Variants in PHACTR2 observed in about 807,000 individuals in gnomAD.
The protein encoded by PHACTR2 is chromosome 6 open reading frame 56.
In PHACTR2, 30 loss-of-function variants were observed where a neutral mutation model predicts 76.0. The ratio of observed to expected loss-of-function variants is 0.39; its 90% CI spans 0.30 to 0.54. The LOEUF is 0.54. PHACTR2 is among the 20% of genes least tolerant of loss of function. The pLI is 0.61. For missense variants in PHACTR2, 696 were observed against 781.1 expected (o/e 0.89, Z 1.30); for synonymous variants, 292 against 292.5 (o/e 1.00, Z 0.02).
chr6:143,627,376 G>T lies in PHACTR2; in HGVS notation c.13+19054G>T, dbSNP rs1400441935. On this transcript the variant is annotated intron_variant, in intron 1 of 11. Coordinates refer to the PHACTR2 transcript ENST00000305766. This position sits in a 1 kb window ranked among gnomAD's most constrained non-coding sequence, Gnocchi z 4.3. ...GATCTTGACTAATTTAAAAAAATTT[G>T]TGGAACACAGATATTTTATACCATT... is the stretch of plus-strand genomic sequence containing the variant. Among the ~76,000 whole-genome samples the T allele has an allele frequency of 6.6e-6, 1 of 152,164 alleles. No individual in the cohort carries two copies. The highest frequency in any genetic ancestry group is 1.5e-5 in the Non-Finnish European group (1 of 68,018).
chr6:143,704,145 C>T (rs1448629716), intron 1 of PHACTR2, among the ~76,000 whole-genome samples: 1 of 122,308 alleles, frequency 8.2e-6, no homozygotes, highest in Non-Finnish European at 1.8e-5. Flanking sequence ...TTTGGAATCT[C>T]TTCTTTGTGT....
Position 143,828,035 on chromosome 6 carries a change from A to T in PHACTR2, c.*4346A>T, listed in dbSNP as rs1776582688. The stretch of plus-strand genomic sequence containing the variant: ...CATGGTGGCTTGTGCCTGTAATCCC[A>T]GCTACTTGGGAGGCTGAGGCAGGGA... On this transcript the variant is annotated 3_prime_UTR_variant, in exon 13 of 13. Transcript: ENST00000440869. This position sits in a 1 kb window ranked among gnomAD's most constrained non-coding sequence, Gnocchi z 4.7. 6.6e-6 allele frequency: 1 copy of T among 151,874 alleles called. No individual in the cohort carries two copies. The highest frequency in any genetic ancestry group is 1.5e-5 in the Non-Finnish European group (1 of 68,010). The allele number at this position is 151,874 out of a possible 1,614,324, so 9.4% of individuals were successfully genotyped here.
chr6:143,703,123 A>T (rs1332361637), intron 1 of PHACTR2, among the ~76,000 whole-genome samples: 1 of 150,300 alleles, frequency 6.7e-6, no homozygotes, highest in East Asian at 1.9e-4. Flanking sequence ...AGCCTGGACA[A>T]CATGGTAAAA....
In PHACTR2 at chr6:143,696,969, T is replaced by C. The variant is rs1438490140; in HGVS notation, c.47-15047T>C. 6.6e-6 allele frequency among the ~76,000 whole-genome samples: 1 copy of C among 152,182 alleles called. No homozygotes were observed. The highest frequency in any genetic ancestry group is 1.5e-5 in the Non-Finnish European group (1 of 68,040). ...AGTCTTAAAGAATGATTCCTCGTCATTGAACATGTTACATTGTAGAGTCAG... is the reference window on the plus strand; with the variant it reads ...AGTCTTAAAGAATGATTCCTCGTCACTGAACATGTTACATTGTAGAGTCAG... On this transcript the variant is annotated intron_variant, in intron 1 of 12. Transcript: ENST00000440869. This position sits in a 1 kb window ranked among gnomAD's most constrained non-coding sequence, Gnocchi z 4.1.
At position 143,553,227 on chromosome 6, in the gene PHACTR2, A is replaced by T. The variant is rs933646788; in HGVS notation, c.217+16020A>T. On this transcript the variant is annotated intron_variant, in intron 1 of 11. Coordinates refer to the PHACTR2 transcript ENST00000367584. The surrounding 1 kb of genome is among the most constrained non-coding windows in gnomAD (Gnocchi z 4.2). ...AGTATAGTGAGGGTGTCAAAGATAA[A>T]GCTGGAAACTAAAGTGGCAAGGAGA... Among the ~76,000 whole-genome samples, 1 of 152,260 alleles carries T rather than the reference A, an allele frequency of 6.6e-6. No homozygotes were observed. Among genetic ancestry groups the T allele is most frequent in the East Asian group, 1.9e-4 (1 of 5,204 alleles).
rs1315268436 is a variant in PHACTR2, at chr6:143,664,156, C to T, written c.14-47860C>T. On this transcript the variant is annotated intron_variant, in intron 1 of 11. Coordinates refer to the PHACTR2 transcript ENST00000305766. This position sits in a 1 kb window ranked among gnomAD's most constrained non-coding sequence, Gnocchi z 5.1. ...TTTGTCATTACACTATATAATATGT[C>T]CCTCTATACTATTTGTTATTTTACC... Among the ~76,000 whole-genome samples the T allele has an allele frequency of 6.6e-6, 1 of 151,908 alleles. No individual in the cohort carries two copies. The highest frequency in any genetic ancestry group is 6.6e-5 in the Admixed American group (1 of 15,246).
At chr6:143,673,049 A>G (rs913447297), upstream of PHACTR2, among the ~76,000 whole-genome samples, 53 of 152,108 alleles carry the variant, frequency 3.5e-4, no homozygotes, top group African/African-American at 1.2e-3. Flanking sequence ...CTCTTCCTCC[A>G]CTGTTAGGAT....
rs1227560179 is a variant in PHACTR2, at chr6:143,827,182, A to ATATATATG, written c.*3500_*3501insGTATATAT. On this transcript the variant is annotated 3_prime_UTR_variant, in exon 13 of 13. Transcript: ENST00000440869. ...TATATATATATATATATATATATAT[A>ATATATATG]TATATATATATATATATGTATATTA... The ATATATATG allele has an allele frequency of 7.7e-6, 1 of 130,096 alleles. No homozygotes were observed. Among genetic ancestry groups the ATATATATG allele is most frequent in the East Asian group, 2.3e-4 (1 of 4,364 alleles). The allele number at this position is 130,096 out of a possible 1,614,324, so 8.1% of individuals were successfully genotyped here.
At chr6:143,613,045 C>T (rs771144723) in intron 1 of PHACTR2, among the ~76,000 whole-genome samples, 1 of 152,204 alleles carries the variant, frequency 6.6e-6, no homozygotes, top group Admixed American at 6.5e-5. Context: ...GGCGCAATCT[C>T]GGCTCACTGC....
rs917001445 is a variant in PHACTR2, at chr6:143,821,944, C to G, written c.1923-1730C>G. Among the ~76,000 whole-genome samples the G allele has an allele frequency of 6.6e-6, 1 of 152,130 alleles. No homozygotes were observed. Among genetic ancestry groups the G allele is most frequent in the African/African-American group, 2.4e-5 (1 of 41,430 alleles). On this transcript the variant is annotated intron_variant, in intron 12 of 12. Coordinates refer to ENST00000440869, the MANE Select transcript of PHACTR2 (RefSeq NM_001100164.2). The surrounding 1 kb of genome is among the most constrained non-coding windows in gnomAD (Gnocchi z 5.2). Reference sequence around the variant, plus strand: ...GGTTGAAGCTGCAGTGAGCTGAGATCGCACCACTGCACTCCAGCCTGGGCA... The same window carrying G: ...GGTTGAAGCTGCAGTGAGCTGAGATGGCACCACTGCACTCCAGCCTGGGCA...
At chr6:143,723,865 G>T (rs1289648157) in intron 2 of PHACTR2, among the ~76,000 whole-genome samples, 1 of 152,102 alleles carries the variant, frequency 6.6e-6, no homozygotes, top group East Asian at 1.9e-4. Context: ...TCTTGGTTTT[G>T]TCAAGAGGTT....
At chr6:143,681,370 A>T (rs1011646435) in intron 1 of PHACTR2, among the ~76,000 whole-genome samples, 2 of 151,870 alleles carry the variant, frequency 1.3e-5, no homozygotes, top group African/African-American at 4.8e-5. Context: ...GCATCTTTTC[A>T]TGTGCTATTG....
rs1226960416 is a variant in PHACTR2 at position 143,652,428 on chromosome 6, A to G, written c.13+44106A>G. 6.6e-6 allele frequency among the ~76,000 whole-genome samples: 1 copy of G among 151,118 alleles called. No individual in the cohort carries two copies. Among genetic ancestry groups the G allele is most frequent in the Non-Finnish European group, 1.5e-5 (1 of 68,020 alleles). On this transcript the variant is annotated intron_variant, in intron 1 of 11. Transcript: ENST00000305766. This position sits in a 1 kb window ranked among gnomAD's most constrained non-coding sequence, Gnocchi z 4.5. ...TGTTTGTTTGTTTGTTTTTCCCTGT[A>G]TCTGCTGGAATATTTTAGCTGATGG... is the stretch of plus-strand genomic sequence containing the variant.
At position 143,817,866 on chromosome 6, in the gene PHACTR2, G is replaced by T. The variant is rs6939327; in HGVS notation, c.1923-5808G>T. Among the ~76,000 whole-genome samples, 1,032 of 152,346 alleles carry T rather than the reference G, an allele frequency of 6.8e-3. 11 individuals carry two copies. The highest frequency in any genetic ancestry group is 0.023 in the African/African-American group (946 of 41,580). On this transcript the variant is annotated intron_variant, in intron 12 of 12. Coordinates refer to ENST00000440869, the MANE Select transcript of PHACTR2 (RefSeq NM_001100164.2). Reference sequence around the variant, plus strand: ...AAGATAAAGAGGGTAGGGGAAAGGAGATAGGGTGCAGTTGGTTAACAGATA... The same window carrying T: ...AAGATAAAGAGGGTAGGGGAAAGGATATAGGGTGCAGTTGGTTAACAGATA...
rs929512866 is a variant in PHACTR2 at position 143,547,888 on chromosome 6, G to C, written c.217+10681G>C. On this transcript the variant is annotated intron_variant, in intron 1 of 11. Coordinates refer to the PHACTR2 transcript ENST00000367584. The surrounding 1 kb of genome is among the most constrained non-coding windows in gnomAD (Gnocchi z 4.2). ...TCTATGTATGTATGTATGTACGTAT[G>C]TATCTATCTATCTATCTATCATCTA... is the stretch of plus-strand genomic sequence containing the variant. Among the ~76,000 whole-genome samples the C allele has an allele frequency of 6.6e-6, 1 of 151,994 alleles. No homozygotes were observed. Among genetic ancestry groups the C allele is most frequent in the African/African-American group, 2.4e-5 (1 of 41,332 alleles).
Position 143,597,429 on chromosome 6 carries a change from A to G in PHACTR2, c.217+60222A>G, listed in dbSNP as rs1175462815. 4.6e-5 allele frequency among the ~76,000 whole-genome samples: 7 copies of G among 152,200 alleles called. No homozygotes were observed. The highest frequency in any genetic ancestry group is 2.6e-4 in the Admixed American group (4 of 15,280). On this transcript the variant is annotated intron_variant, in intron 1 of 11. Coordinates refer to the PHACTR2 transcript ENST00000367584. The surrounding 1 kb of genome is among the most constrained non-coding windows in gnomAD (Gnocchi z 5.7). Reference sequence around the variant, plus strand: ...TCAAGGTGAATATCATCCTCTACCCACAGACCATCCTAAAAATAAAGTGAA... The same window carrying G: ...TCAAGGTGAATATCATCCTCTACCCGCAGACCATCCTAAAAATAAAGTGAA...
Position 143,704,095 on chromosome 6 carries a change from C to CTGTGTGTGTGTGTGTGTCTGTG in PHACTR2, c.47-7904_47-7903insCTGTGTGTGTGTGTGTGTGTGT, listed in dbSNP as rs1777984013. ...ATCATGGGTGTGTGTGTGTGTGTGTCTGTGTGTGTGTGTGTGTGTGTGTGT... is the reference window on the plus strand; with the variant it reads ...ATCATGGGTGTGTGTGTGTGTGTGTCTGTGTGTGTGTGTGTGTCTGTGTGTGTGTGTGTGTGTGTGTGTGTGT... On this transcript the variant is annotated intron_variant, in intron 1 of 12. Transcript: ENST00000440869. Among the ~76,000 whole-genome samples the CTGTGTGTGTGTGTGTGTCTGTG allele has an allele frequency of 2.8e-5, 4 of 144,212 alleles. No homozygotes were observed. The East Asian group carries it at 8.2e-4, about 30-fold the overall frequency. 94.6% of individuals were successfully genotyped at this position (144,212 alleles called of 152,430 possible). A position where few individuals can be genotyped will look rare whatever the true frequency, so the allele number is the denominator to read the frequency against.
At position 143,793,405 on chromosome 6, in the gene PHACTR2, A is replaced by G. The variant is rs1775755525; in HGVS notation, c.1845+4495A>G. Among the ~76,000 whole-genome samples, 1 of 152,004 alleles carries G rather than the reference A, an allele frequency of 6.6e-6. No individual in the cohort carries two copies. Among genetic ancestry groups the G allele is most frequent in the South Asian group, 2.1e-4 (1 of 4,824 alleles). The stretch of plus-strand genomic sequence containing the variant: ...AGTGCTTTGAAGGCATATGACTTTG[A>G]CATCTCCCTTGCAGATCTGAGCCCC... On this transcript the variant is annotated intron_variant, in intron 11 of 12. Transcript: ENST00000440869. The surrounding 1 kb of genome is among the most constrained non-coding windows in gnomAD (Gnocchi z 4.4).
intron 2 of PHACTR2, among the ~76,000 whole-genome samples, chr6:143,724,497 C>T (rs1214698238): frequency 6.6e-6 from 1 of 152,036 alleles, no homozygotes; most frequent in Non-Finnish European, 1.5e-5. Context: ...ATGATGCGAC[C>T]CAACTTCTTT....
Sources: gnomAD v4.1 joint callset for allele counts (sites outside exome capture counted in the v4.1 genomes callset) on GRCh38, gnomAD v4.1.1 for gene constraint, Gnocchi (gnomAD v3.1) non-coding constraint, MANE v1.5 for transcripts, NCBI Gene and HGNC (gene_info 2026-07-23, HGNC 2026-07-21) for gene names.